GAP43: variants seen among roughly 807,000 people sequenced by gnomAD.
The protein encoded by GAP43 is neuromodulin.
Under a neutral mutation model 18.6 loss-of-function variants are expected in GAP43, and 6 were observed. The observed-to-expected ratio is 0.32, with a 90% CI of 0.18 to 0.64. The LOEUF (loss-of-function observed/expected upper bound fraction) is 0.64, where lower values mean the gene tolerates loss of function less well. Ranked by LOEUF, GAP43 falls within the 30% of genes least tolerant of loss-of-function variation. GAP43 has a pLI of 0.78. For missense variants in GAP43, 292 were observed against 295.5 expected, an observed-to-expected ratio of 0.99 and a Z score of 0.09; for synonymous variants, 115 against 111.4, an observed-to-expected ratio of 1.03 and a Z score of -0.20.
At chr3:115,710,345 T>C (rs1428943759) in intron 2 of GAP43, among the ~76,000 whole-genome samples, 1 of 152,154 alleles carries the variant, frequency 6.6e-6, no homozygotes, top group Admixed American at 6.5e-5. Flanking sequence ...GTGAAATAAG[T>C]GTTAAAATCA....
rs114407477 is a variant in GAP43 at position 115,650,289 on chromosome 3, C to T, written c.31-25724C>T. On this transcript the variant is annotated intron_variant, in intron 1 of 2. Transcript: ENST00000305124. ...GAGTGCAACTCATCCCAGCATACACCGGCATAAGCTCTTGGTTAGGTCCAA... is the reference window on the plus strand; with the variant it reads ...GAGTGCAACTCATCCCAGCATACACTGGCATAAGCTCTTGGTTAGGTCCAA... 2.6e-3 allele frequency among the ~76,000 whole-genome samples: 392 copies of T among 152,244 alleles called. 2 individuals carry two copies. Among genetic ancestry groups the T allele is most frequent in the African/African-American group, 9.0e-3 (375 of 41,552 alleles).
intron 2 of GAP43, among the ~76,000 whole-genome samples, chr3:115,718,303 G>A (rs1709536857): frequency 1.3e-5 from 2 of 152,282 alleles, no homozygotes; most frequent in Non-Finnish European, 1.5e-5. Flanking sequence ...GGGCATACTT[G>A]TAATATCCAA....
intron 1 of GAP43, among the ~76,000 whole-genome samples, chr3:115,630,874 A>T (rs1224324370): frequency 6.6e-6 from 1 of 152,236 alleles, no homozygotes; most frequent in African/African-American, 2.4e-5. Flanking sequence ...TAGACAAAAC[A>T]GGTATTTTAA....
chr3:115,666,904 G>C (rs999314095), intron 1 of GAP43, among the ~76,000 whole-genome samples: 43 of 152,150 alleles, frequency 2.8e-4, no homozygotes, highest in Admixed American at 2.5e-3. Flanking sequence ...ACATGATCAT[G>C]ATGAGGATTG....
intron 1 of GAP43, among the ~76,000 whole-genome samples, chr3:115,652,389 A>ATTTTTTTTTTTTTTTTTTTTTTTTT (rs1708531283): frequency 7.8e-5 from 2 of 25,588 alleles, no homozygotes; most frequent in African/African-American, 2.3e-4. Flanking sequence ...TTTTTTTGTG[A>ATTTTTTTTTTTTTTTTTTTTTTTTT]TAGAGTCTTG....
chr3:115,721,295 C>T lies in GAP43; in HGVS notation c.*413C>T, dbSNP rs28399412. On this transcript the variant is annotated 3_prime_UTR_variant, in exon 3 of 3. Coordinates refer to ENST00000305124, the MANE Select transcript of GAP43 (RefSeq NM_002045.4). Reference sequence around the variant, plus strand: ...CGTTCATCTGAGGAGTCCAAAATATCGAGTGAATTCAAAATCATTTTTGTT... The same window carrying T: ...CGTTCATCTGAGGAGTCCAAAATATTGAGTGAATTCAAAATCATTTTTGTT... 0.043 allele frequency: 6,526 copies of T among 152,646 alleles called. 456 individuals carry two copies. The highest frequency in any genetic ancestry group is 0.15 in the African/African-American group (6,120 of 41,380). 9.5% of individuals were successfully genotyped at this position (152,646 alleles called of 1,614,324 possible).
chr3:115,663,090 C>G (rs1416212745), intron 1 of GAP43, among the ~76,000 whole-genome samples: 1 of 152,162 alleles, frequency 6.6e-6, no homozygotes, highest in African/African-American at 2.4e-5. Context: ...ATGAACTACA[C>G]AGTCATCAAA....
chr3:115,637,201 C>T (rs1193082624), intron 1 of GAP43, among the ~76,000 whole-genome samples: 1 of 152,016 alleles, frequency 6.6e-6, no homozygotes, highest in East Asian at 1.9e-4. Flanking sequence ...TCAAGCAGAG[C>T]CTTAACCATC....
intron 1 of GAP43, among the ~76,000 whole-genome samples, chr3:115,659,917 A>G (rs1401854504): frequency 4.6e-5 from 7 of 152,188 alleles, no homozygotes; most frequent in Non-Finnish European, 8.8e-5. Flanking sequence ...CCCCGCAACT[A>G]GGACAGTGAG....
intron 1 of GAP43, among the ~76,000 whole-genome samples, chr3:115,665,010 G>C (rs966801291): frequency 6.6e-5 from 10 of 151,942 alleles, no homozygotes; most frequent in Non-Finnish European, 1.5e-4. Flanking sequence ...CTCAAATACT[G>C]TTCTATAAGG....
chr3:115,658,763 T>G (rs950027592), intron 1 of GAP43: 1 of 152,194 alleles, frequency 6.6e-6, no homozygotes, highest in Non-Finnish European at 1.5e-5. Context: ...CACAATCTCT[T>G]GTTTGGGAGA....
At chr3:115,648,745 T>C (rs1404887270) in intron 1 of GAP43, among the ~76,000 whole-genome samples, 1 of 152,042 alleles carries the variant, frequency 6.6e-6, no homozygotes, top group Non-Finnish European at 1.5e-5. Context: ...AAGGGCTTAC[T>C]CACCCTTCAG....
At chr3:115,638,849 C>G (rs938469061) in intron 1 of GAP43, among the ~76,000 whole-genome samples, 15 of 151,994 alleles carry the variant, frequency 9.9e-5, no homozygotes, top group African/African-American at 3.4e-4. Flanking sequence ...CAGCCTAATA[C>G]AATTATTCTT....
chr3:115,675,624 T>C (rs1708872448), intron 1 of GAP43, among the ~76,000 whole-genome samples: 1 of 151,948 alleles, frequency 6.6e-6, no homozygotes, highest in South Asian at 2.1e-4. Context: ...TCGAGTGTAG[T>C]GGCACATGCC....
chr3:115,648,073 C>A (rs778684934), intron 1 of GAP43, among the ~76,000 whole-genome samples: 4 of 152,108 alleles, frequency 2.6e-5, no homozygotes, highest in Non-Finnish European at 4.4e-5. Context: ...GGTCCATGAT[C>A]CTTTCAATTT....
intron 1 of GAP43, among the ~76,000 whole-genome samples, chr3:115,656,614 G>A (rs921575100): frequency 1.3e-5 from 2 of 152,200 alleles, no homozygotes; most frequent in African/African-American, 4.8e-5. Flanking sequence ...CTTCGATTTT[G>A]TAATAATAGA....
At chr3:115,677,627 G>C (rs141254117) in intron 2 of GAP43, among the ~76,000 whole-genome samples, 7 of 152,290 alleles carry the variant, frequency 4.6e-5, no homozygotes, top group Non-Finnish European at 8.8e-5. Flanking sequence ...CAGCCCCAAA[G>C]ATCCTCAAAG....
At chr3:115,689,393 G>A (rs1417944646) in intron 2 of GAP43, among the ~76,000 whole-genome samples, 3 of 152,124 alleles carry the variant, frequency 2.0e-5, no homozygotes, top group African/African-American at 7.2e-5. Context: ...TCCTCTGACT[G>A]GCCAATAATA....
chr3:115,675,758 C>CAAAAAAAAAAAA (rs67744380), intron 1 of GAP43, among the ~76,000 whole-genome samples: 1 of 50,528 alleles, frequency 2.0e-5, no homozygotes, highest in Non-Finnish European at 3.3e-5. Flanking sequence ...GACTCTATCT[C>CAAAAAAAAAAAA]AAAAAAAAAA....
Sources: gnomAD v4.1 joint callset for allele counts (sites outside exome capture counted in the v4.1 genomes callset) on GRCh38, gnomAD v4.1.1 for gene constraint, MANE v1.5 for transcripts, NCBI Gene and HGNC (gene_info 2026-07-23, HGNC 2026-07-21) for gene names.